ZNF486: variants seen among roughly 807,000 people sequenced by gnomAD.
ZNF486 encodes KRAB box only protein 2.
A neutral mutation model predicts 12.8 loss-of-function variants in ZNF486; 12 were observed. The observed-to-expected ratio is 0.94, with a 90% confidence interval of 0.60 to 1.52. The LOEUF is 1.52. ZNF486 is among the 40% of genes most tolerant of loss of function. The pLI is 0.00. For synonymous variants in ZNF486, 231 were observed against 184.9 expected, an observed-to-expected ratio of 1.25 and a Z score of -2.02; for missense variants, 738 against 545.0, an observed-to-expected ratio of 1.35 and a Z score of -3.53.
chr19:20,182,703 T>C (rs1413035059), intron 1 of ZNF486, among the ~76,000 whole-genome samples: 1 of 152,138 alleles, frequency 6.6e-6, no homozygotes, highest in African/African-American at 2.4e-5. Context: ...ATTTCTATCT[T>C]CATGGAGCAA....
chr19:20,195,479 T>C (rs1289949818), intron 3 of ZNF486, among the ~76,000 whole-genome samples: 6 of 152,214 alleles, frequency 3.9e-5, no homozygotes, highest in African/African-American at 1.4e-4. Flanking sequence ...GTTCAATTCA[T>C]TTGGAATTTT....
chr19:20,198,072 A>C lies in ZNF486; in HGVS notation c.1362A>C (p.Arg454Ser), dbSNP rs1332249383. The C allele has an allele frequency of 1.2e-6, 2 of 1,603,600 alleles. No homozygotes were observed. The highest frequency in any genetic ancestry group is 2.7e-5 in the African/African-American group (2 of 74,406). Residue 454 changes from arginine (R) to serine (S), a missense_variant, in exon 4 of 4, where the codon AGA (arginine) becomes AGC (serine). Arg to Ser is a moderately radical substitution (Grantham distance 110). Transcript: ENST00000335117. ...CCTCAGACCTTAATAAACATAAGAG[A>C]ATTCATATTGGACAGAAACCAAGAA... ...NWSSDLNKHK[R>S]IHIGQKPRT
chr19:20,168,947 TCTC>T (rs1390844707), intron 1 of ZNF486, among the ~76,000 whole-genome samples: 1 of 151,908 alleles, frequency 6.6e-6, no homozygotes, highest in East Asian at 2.0e-4. Flanking sequence ...TTCAAGCAGT[TCTC>T]CTGCCTCAGC....
rs781956693 is a variant in ZNF486 at position 20,186,077 on chromosome 19, C to T, written c.248C>T (p.Pro83Leu). Residue 83 changes from proline to leucine, a missense_variant, in exon 3 of 4, where the codon CCC becomes CTC. By Grantham distance (98) the Pro-to-Leu change is moderately conservative. Transcript: ENST00000335117. ...AAGAGACATGAGATGATTGCCAAAC[C>T]CCCAGGTAGGTGCGAATGAAAATGA... The part of the protein sequence containing the change: ...TMKRHEMIAK[P>L]PVVCSHFAQD... 3 of 1,580,892 alleles carry T rather than the reference C, an allele frequency of 1.9e-6. No homozygotes were observed. Among genetic ancestry groups the T allele is most frequent in the Middle Eastern group, 1.7e-4 (1 of 5,976 alleles).
intron 1 of ZNF486, among the ~76,000 whole-genome samples, chr19:20,171,666 A>G (rs1555713903): frequency 6.6e-6 from 1 of 152,208 alleles, no homozygotes; most frequent in South Asian, 2.1e-4. Flanking sequence ...TGTAGTGAAA[A>G]TCATTCCATT....
chr19:20,191,158 A>T (rs2089897948), intron 3 of ZNF486, among the ~76,000 whole-genome samples: 1 of 152,222 alleles, frequency 6.6e-6, no homozygotes, highest in African/African-American at 2.4e-5. Context: ...TGTGAGCCAC[A>T]TAAATTATTT....
rs1555718190 is a variant in ZNF486 at position 20,197,348 on chromosome 19, A to G, written c.638A>G (p.Glu213Gly). 4 of 1,613,668 alleles carry G rather than the reference A, an allele frequency of 2.5e-6. No homozygotes were observed. In the Admixed American group the frequency reaches 6.7e-5, roughly 27 times the overall value. Reference sequence around the variant, plus strand: ...ACTGGAGAGAAACCATACAAATGTGAAGAATGTGGCAAAGCCTTCAACCGG... The same window carrying G: ...ACTGGAGAGAAACCATACAAATGTGGAGAATGTGGCAAAGCCTTCAACCGG... ...IDTGEKPYKCEECGKAFNRSS... is the reference protein window; with the variant it reads ...IDTGEKPYKCGECGKAFNRSS... Residue 213 changes from glutamate to glycine, a missense_variant, in exon 4 of 4, where the codon GAA (glutamate) becomes GGA (glycine). By Grantham distance (98) the Glu-to-Gly change is moderately conservative (BLOSUM62 -2). Transcript: ENST00000335117.
At position 20,167,361 on chromosome 19, in the gene ZNF486, G is replaced by C; in HGVS notation, c.30+1G>C. On this transcript the variant is annotated splice_donor_variant, in intron 1 of 3. Transcript: ENST00000335117. LOFTEE classifies it high-confidence loss of function. ...GGGACCCCTTAGAAGCCTAGAAATG[G>C]TGAGAGTGCCCATTGGACATCCTGA... 1 of 1,613,730 alleles carries C rather than the reference G, an allele frequency of 6.2e-7. No individual in the cohort carries two copies. The highest frequency in any genetic ancestry group is 8.5e-7 in the Non-Finnish European group (1 of 1,179,744).
rs1246814123 is a variant in ZNF486 at position 20,197,391 on chromosome 19, A to T, written c.681A>T (p.Thr227=). 9.9e-6 allele frequency: 16 copies of T among 1,613,022 alleles called. No individual in the cohort carries two copies. The highest frequency in any genetic ancestry group is 1.3e-5 in the African/African-American group (1 of 74,762). The change falls in exon 4 of 4, where the codon ACA becomes ACT. Residue 227 remains threonine, a synonymous_variant. Coordinates refer to ENST00000335117, the MANE Select transcript of ZNF486 (RefSeq NM_052852.4). ...TCAACCGGTCCTCACACCTTACTAC[A>T]CATAAGATAACTCATACTAGAGAGA... ...KAFNRSSHLT[T]HKITHTREKP...
At position 20,188,446 on chromosome 19, in the gene ZNF486, G is replaced by A; in HGVS notation, c.253+2364G>A. The A allele has an allele frequency of 7.5e-6, 3 of 398,490 alleles. 1 individual carries two copies. Among genetic ancestry groups the A allele is most frequent in the Non-Finnish European group, 1.3e-5 (3 of 226,040 alleles). 24.7% of individuals were successfully genotyped at this position (398,490 alleles called of 1,614,324 possible). A position where few individuals can be genotyped will look rare whatever the true frequency, so the allele number is the denominator to read the frequency against. On this transcript the variant is annotated intron_variant, in intron 3 of 3. Coordinates refer to ENST00000335117, the MANE Select transcript of ZNF486 (RefSeq NM_052852.4). ...CATCTGTAATCCCAGGATTTTGGGAGGCCAACACAGGAGGATCCCTGGAGC... is the reference window on the plus strand; with the variant it reads ...CATCTGTAATCCCAGGATTTTGGGAAGCCAACACAGGAGGATCCCTGGAGC...
chr19:20,196,651 C>T (rs1265947271), intron 3 of ZNF486, among the ~76,000 whole-genome samples: 2 of 152,192 alleles, frequency 1.3e-5, no homozygotes, highest in Admixed American at 6.5e-5. Flanking sequence ...TTTAAAGGCA[C>T]AATGTTATAC....
intron 1 of ZNF486, among the ~76,000 whole-genome samples, chr19:20,171,107 T>C (rs782227075): frequency 3.5e-4 from 54 of 152,160 alleles, no homozygotes; most frequent in African/African-American, 1.2e-3. Context: ...AATAAGTTTG[T>C]GTTGGAGAAA....
At chr19:20,175,024 TGTTGGAA>T (rs1464307457) in intron 1 of ZNF486, 2 of 152,196 alleles carry the variant, frequency 1.3e-5, no homozygotes, top group African/African-American at 4.8e-5. Context: ...CAAAAAGTGT[TGTTGGAA>T]GTTGTCAGAT....
chr19:20,176,933 T>G (rs960145929), intron 1 of ZNF486: 2 of 152,258 alleles, frequency 1.3e-5, no homozygotes, highest in Non-Finnish European at 2.9e-5. Context: ...TCTGGACTCA[T>G]GCTGGAAATT....
At chr19:20,186,127 G>C (rs782600739) in intron 3 of ZNF486, 45 bp downstream of exon 3, 34 of 1,452,454 alleles carry the variant, frequency 2.3e-5, no homozygotes, top group Admixed American at 7.2e-5. Flanking sequence ...GCAGATAAGA[G>C]GTCCCAAGGT....
Position 20,197,828 on chromosome 19 carries a change from C to T in ZNF486, c.1118C>T (p.Thr373Ile), listed in dbSNP as rs1210141178. 4 of 1,613,482 alleles carry T rather than the reference C, an allele frequency of 2.5e-6. No homozygotes were observed. In the African/African-American group the frequency reaches 5.3e-5, roughly 22 times the overall value. ...SHLTMHKIIHTGEKPYKCEEC... is the reference protein window; with the variant it reads ...SHLTMHKIIHIGEKPYKCEEC... ...CTTACTATGCATAAGATAATTCATA[C>T]TGGAGAGAAACCATACAAATGTGAA... is the stretch of plus-strand genomic sequence containing the variant. The change falls in exon 4 of 4, where the codon ACT (threonine) becomes ATT (isoleucine). Residue 373 changes from threonine (T) to isoleucine (I), a missense_variant. Physicochemically the swap from Thr to Ile is moderately conservative, Grantham distance 89. Transcript: ENST00000335117.
rs1307581526 is a variant in ZNF486 at position 20,199,488 on chromosome 19, T to C, written c.*1386T>C. 6.6e-6 allele frequency: 1 copy of C among 152,178 alleles called. No individual in the cohort carries two copies. Among genetic ancestry groups the C allele is most frequent in the African/African-American group, 2.4e-5 (1 of 41,446 alleles). The allele number at this position is 152,178 out of a possible 1,614,324, so 9.4% of individuals were successfully genotyped here. A position where few individuals can be genotyped will look rare whatever the true frequency, so the allele number is the denominator to read the frequency against. ...GCTCATGCCTGTAATCCCAGCACTTTGGGAGGCCAAGGTGGGAGGATCACC... is the reference window on the plus strand; with the variant it reads ...GCTCATGCCTGTAATCCCAGCACTTCGGGAGGCCAAGGTGGGAGGATCACC... On this transcript the variant is annotated 3_prime_UTR_variant, in exon 4 of 4. Coordinates refer to ENST00000335117, the MANE Select transcript of ZNF486 (RefSeq NM_052852.4).
rs2089971814 is a variant in ZNF486, at chr19:20,197,519, A to C, written c.809A>C (p.Glu270Ala). ...GGAGAGAAACCCTACATTTGTGAAG[A>C]ATGTGGCAAAGCCTTTATGTACCCC... Reference protein sequence around the residue: ...HSGEKPYICEECGKAFMYPYT... With the variant: ...HSGEKPYICEACGKAFMYPYT... Residue 270 changes from glutamate (E) to alanine (A), a missense_variant, in exon 4 of 4, where the codon GAA (glutamate) becomes GCA (alanine). By Grantham distance (107) the Glu-to-Ala change is moderately radical (BLOSUM62 -1). Transcript: ENST00000335117. The C allele has an allele frequency of 6.2e-6, 10 of 1,612,480 alleles. No homozygotes were observed. Among genetic ancestry groups the C allele is most frequent in the Non-Finnish European group, 7.6e-6 (9 of 1,179,300 alleles).
chr19:20,177,819 A>G (rs2463061), intron 1 of ZNF486, among the ~76,000 whole-genome samples: 55,350 of 151,132 alleles, frequency 0.37, 13,993 homozygotes, highest in African/African-American at 0.71. Flanking sequence ...CAGGTGATCC[A>G]CCCGCCTCGG....
Sources: gnomAD v4.1 joint callset for allele counts (sites outside exome capture counted in the v4.1 genomes callset) on GRCh38, gnomAD v4.1.1 for gene constraint, MANE v1.5 for transcripts, NCBI Gene and HGNC (gene_info 2026-07-23, HGNC 2026-07-21) for gene names.